Variants in NLRC3 observed in about 807,000 individuals in gnomAD.
The protein encoded by NLRC3 is NLR family CARD domain containing 3.
In NLRC3, 87 loss-of-function variants were observed where a neutral mutation model predicts 91.6. The observed-to-expected ratio is 0.95, with a 90% CI of 0.80 to 1.14. NLRC3 has a LOEUF of 1.14. Ranked by LOEUF, NLRC3 falls within the 50% of genes most tolerant of loss-of-function variation. NLRC3 has a pLI of 0.00. For synonymous variants in NLRC3, 694 were observed against 625.3 expected (o/e 1.11, Z -1.64); for missense variants, 1,577 against 1,418.6 (o/e 1.11, Z -1.79).
intron 10 of NLRC3, among the ~76,000 whole-genome samples, chr16:3,551,966 A>G (rs1388707809): frequency 8.3e-6 from 1 of 119,936 alleles, no homozygotes; most frequent in Non-Finnish European, 1.7e-5. Context: ...TCCACTCATC[A>G]GTGTATCCCT....
At chr16:3,543,395 A>C (rs768391643) in intron 17 of NLRC3, 30 bp downstream of exon 17, 1 of 1,492,532 alleles carries the variant, frequency 6.7e-7, no homozygotes. Flanking sequence ...CTTTGGGCTA[A>C]AGACCATAGA....
At chr16:3,557,056 G>C in intron 7 of NLRC3, 62 bp from the exon 8 acceptor site, 1 of 1,168,840 alleles carries the variant, frequency 8.6e-7, no homozygotes, top group Non-Finnish European at 1.3e-6. Flanking sequence ...AGGGGAAACA[G>C]AAACTGCATT....
At chr16:3,573,737 T>A (rs189459304) in intron 1 of NLRC3, among the ~76,000 whole-genome samples, 68 of 152,338 alleles carry the variant, frequency 4.5e-4, no homozygotes, top group African/African-American at 1.5e-3. Flanking sequence ...TTTAAAATTT[T>A]GGTAAAATAC....
chr16:3,564,102 G>A lies in NLRC3; in HGVS notation c.835C>T (p.Leu279=). The part of the protein sequence containing the change: ...PSASGQIPGG[L]VDRMTEIRGF... ...CGGATCTCCGTCATCCGGTCCACCAGGCCCCCTGGGATCTGGCCAGATGCA... is the reference window on the plus strand; with the variant it reads ...CGGATCTCCGTCATCCGGTCCACCAAGCCCCCTGGGATCTGGCCAGATGCA... The change falls in exon 5 of 20, where the codon CTG becomes TTG. Residue 279 remains leucine (L), a synonymous_variant. Coordinates refer to ENST00000359128, the MANE Select transcript of NLRC3 (RefSeq NM_178844.4). The surrounding 1 kb of genome is among the most constrained non-coding windows in gnomAD (Gnocchi z 5.9). The A allele has an allele frequency of 1.2e-6, 2 of 1,613,670 alleles. No individual in the cohort carries two copies. The highest frequency in any genetic ancestry group is 1.7e-5 in the Admixed American group (1 of 60,032).
chr16:3,568,603 T>G (rs1389830814), intron 1 of NLRC3, among the ~76,000 whole-genome samples: 1 of 152,170 alleles, frequency 6.6e-6, no homozygotes, highest in African/African-American at 2.4e-5. Context: ...GGTTCACGCC[T>G]GTAGTCCCAG....
chr16:3,560,719 G>C (rs1251775145), intron 6 of NLRC3, among the ~76,000 whole-genome samples: 1 of 152,060 alleles, frequency 6.6e-6, no homozygotes, highest in Non-Finnish European at 1.5e-5. Flanking sequence ...GAGTGCAGTG[G>C]TGCGATCTCG....
intron 15 of NLRC3, among the ~76,000 whole-genome samples, chr16:3,546,268 G>T (rs1038814294): frequency 6.6e-6 from 1 of 151,952 alleles, no homozygotes; most frequent in Admixed American, 6.6e-5. Context: ...TAAAAAATAA[G>T]TTATATGCTG....
chr16:3,545,083 C>T (rs563299257), intron 15 of NLRC3: 1 of 152,410 alleles, frequency 6.6e-6, no homozygotes, highest in South Asian at 2.1e-4. Context: ...CAGTGAGTGA[C>T]TGAGTTTAGC....
At chr16:3,542,836 T>G (rs1163646354) in intron 17 of NLRC3, 61 bp from the exon 18 acceptor site, 2 of 1,192,152 alleles carry the variant, frequency 1.7e-6, no homozygotes, top group East Asian at 2.5e-5. Flanking sequence ...TACTGACCCC[T>G]CTGCGGGTGG....
intron 6 of NLRC3, among the ~76,000 whole-genome samples, chr16:3,560,632 A>C (rs760088867): frequency 2.0e-5 from 3 of 152,084 alleles, no homozygotes; most frequent in African/African-American, 4.8e-5. Context: ...TTACAAGATG[A>C]AGGTTTTTTT....
Position 3,546,601 on chromosome 16 carries a change from T to C in NLRC3, c.2771+1534A>G, listed in dbSNP as rs544813831. 2.6e-5 allele frequency among the ~76,000 whole-genome samples: 4 copies of C among 151,334 alleles called. No homozygotes were observed. The South Asian group carries it at 8.4e-4, about 32-fold the overall frequency. ...TAGAAAAGGAAGTGGGAGGTGAGAGTGAAGGTCTTGTTTCTAGCTTGCACA... is the reference window on the plus strand; with the variant it reads ...TAGAAAAGGAAGTGGGAGGTGAGAGCGAAGGTCTTGTTTCTAGCTTGCACA... On this transcript the variant is annotated intron_variant, in intron 15 of 19. Coordinates refer to ENST00000359128, the MANE Select transcript of NLRC3 (RefSeq NM_178844.4).
intron 8 of NLRC3, 33 bp downstream of exon 8, chr16:3,556,878 G>A (rs530602520): frequency 1.3e-6 from 2 of 1,499,222 alleles, no homozygotes; most frequent in Non-Finnish European, 1.9e-6. Context: ...GCCCTCTCTT[G>A]GGGTCACAAC....
At chr16:3,551,083 A>G (rs1022293953) in intron 10 of NLRC3, among the ~76,000 whole-genome samples, 2 of 151,946 alleles carry the variant, frequency 1.3e-5, no homozygotes, top group Admixed American at 6.6e-5. Context: ...CCACTTAGCT[A>G]TCATTTCGTC....
Position 3,548,671 on chromosome 16 carries a change from G to A in NLRC3, c.2686C>T (p.His896Tyr). 6.3e-7 allele frequency: 1 copy of A among 1,578,378 alleles called. No homozygotes were observed. Among genetic ancestry groups the A allele is most frequent in the East Asian group, 2.3e-5 (1 of 43,416 alleles). The change falls in exon 14 of 20, where the codon CAC becomes TAC. Residue 896 changes from histidine to tyrosine, a missense_variant and splice_region_variant. Transcript: ENST00000359128. ...VRENRTLTSL[H>Y]LQWNFIQAGA... ...CAGGGTGGAGAGCTGCAGACTCACT[G>A]AAGGGAGGTGAGGGTGCGGTTTTCT...
In NLRC3 at chr16:3,577,334, G is replaced by A. The variant is rs2040345558; in HGVS notation, c.-354C>T. On this transcript the variant is annotated 5_prime_UTR_variant, in exon 1 of 20. Transcript: ENST00000359128. The stretch of plus-strand genomic sequence containing the variant: ...TACCACGCCAACCAACCAACCGTGT[G>A]GGGGCCGAGAGCAGTGCAGCCCCGA... 3.1e-6 allele frequency: 2 copies of A among 643,796 alleles called. No individual in the cohort carries two copies. The highest frequency in any genetic ancestry group is 1.7e-5 in the South Asian group (1 of 57,288). The allele number at this position is 643,796 out of a possible 1,614,324, so 39.9% of individuals were successfully genotyped here. A position where few individuals can be genotyped will look rare whatever the true frequency, so the allele number is the denominator to read the frequency against.
chr16:3,566,317 G>A (rs1205245591), intron 2 of NLRC3, among the ~76,000 whole-genome samples: 3 of 151,958 alleles, frequency 2.0e-5, no homozygotes, highest in Non-Finnish European at 4.4e-5. Flanking sequence ...CTGGCCAGAC[G>A]CGGTGGCTCA....
chr16:3,557,361 G>T (rs925152604), intron 7 of NLRC3, among the ~76,000 whole-genome samples: 2 of 152,314 alleles, frequency 1.3e-5, no homozygotes, highest in African/African-American at 4.8e-5. Context: ...GAAGGCATGT[G>T]CGCTAAGGTG....
rs748729521 is a variant in NLRC3, at chr16:3,548,120, G to A, written c.2771+15C>T. 5.8e-6 allele frequency: 9 copies of A among 1,555,594 alleles called. No homozygotes were observed. In the East Asian group the frequency reaches 7.1e-5, roughly 12 times the overall value. On this transcript the variant is annotated intron_variant, in intron 15 of 19. Transcript: ENST00000359128. ...AACAGCCCCCGCCCTGCAGCCCCTGGGCAGGCCAACTTACTCTAAGCTGGT... is the reference window on the plus strand; with the variant it reads ...AACAGCCCCCGCCCTGCAGCCCCTGAGCAGGCCAACTTACTCTAAGCTGGT...
chr16:3,564,565 C>T lies in NLRC3; in HGVS notation c.372G>A (p.Leu124=). ...GGGHPARTVA[L]DRLFLPLSRV... is the part of the protein sequence containing the mutation. Reference sequence around the variant, plus strand: ...GGGAGAGAGGCAGGAAGAGCCGGTCCAGGGCGACGGTCCTGGCGGGGTGCC... The same window carrying T: ...GGGAGAGAGGCAGGAAGAGCCGGTCTAGGGCGACGGTCCTGGCGGGGTGCC... Residue 124 remains leucine (L), a synonymous_variant, in exon 5 of 20, where the codon CTG becomes CTA. Transcript: ENST00000359128. This position sits in a 1 kb window ranked among gnomAD's most constrained non-coding sequence, Gnocchi z 5.9. The T allele has an allele frequency of 6.2e-7, 1 of 1,611,858 alleles. No individual in the cohort carries two copies. Among genetic ancestry groups the T allele is most frequent in the Non-Finnish European group, 8.5e-7 (1 of 1,179,618 alleles).
Sources: allele counts gnomAD v4.1 joint callset (sites outside exome capture counted in the v4.1 genomes callset), GRCh38; gene constraint gnomAD v4.1.1; non-coding constraint Gnocchi (gnomAD v3.1); transcripts MANE v1.5; gene names NCBI Gene and HGNC (gene_info 2026-07-23, HGNC 2026-07-21).